SHTN1: variants seen among roughly 807,000 people sequenced by gnomAD.
The protein encoded by SHTN1 is shootin-1.
In SHTN1, 42 loss-of-function variants were observed where a neutral mutation model predicts 83.1. The ratio of observed to expected loss-of-function variants is 0.51; its 90% CI spans 0.39 to 0.65. SHTN1 has a LOEUF of 0.65. Among genes scored for constraint, SHTN1 ranks in the 30% least tolerant of loss-of-function variants. The probability of loss-of-function intolerance (pLI) is 0.00; values close to 1 mark genes in which losing one functional copy is unlikely to be tolerated. For missense variants in SHTN1, 622 were observed against 737.8 expected, an observed-to-expected ratio of 0.84 and a Z score of 1.82; for synonymous variants, 224 against 247.7, an observed-to-expected ratio of 0.90 and a Z score of 0.90.
At chr10:117,122,051 AAAAT>A (rs1368831211) in intron 1 of SHTN1, among the ~76,000 whole-genome samples, 22 of 152,298 alleles carry the variant, frequency 1.4e-4, no homozygotes, top group South Asian at 6.2e-4. Flanking sequence ...AAATAAAATA[AAAAT>A]AAATAAAGAA....
intron 4 of SHTN1, among the ~76,000 whole-genome samples, chr10:116,956,712 A>T (rs1849990258): frequency 6.6e-6 from 1 of 152,060 alleles, no homozygotes; most frequent in African/African-American, 2.4e-5. Context: ...ATCATAGCTA[A>T]CAGTTCTGCC....
intron 2 of SHTN1, among the ~76,000 whole-genome samples, chr10:117,028,813 A>G (rs1298369823): frequency 6.6e-6 from 1 of 152,230 alleles, no homozygotes; most frequent in African/African-American, 2.4e-5. Context: ...GTATCTAAGC[A>G]GAAGCCTGCT....
In SHTN1 at chr10:117,089,459, A is replaced by C. The variant is rs1251028126; in HGVS notation, c.-189+36848T>G. On this transcript the variant is annotated intron_variant, in intron 1 of 17. Transcript: ENST00000392901. ...AAAATTAACTCAAAATGGATCAAAG[A>C]CCTGAACTTGAGACTTAAAACTATA... Among the ~76,000 whole-genome samples the C allele has an allele frequency of 3.3e-5, 5 of 152,302 alleles. No individual in the cohort carries two copies. In the South Asian group the frequency reaches 1.0e-3, roughly 32 times the overall value.
rs142906790 is a variant in SHTN1, at chr10:116,968,618, G to A, written c.172+34C>T. The stretch of plus-strand genomic sequence containing the variant: ...TCACATAATCCCCAATAGGCTATAT[G>A]TGTTATAATAATTCCACTGAAATGC... On this transcript the variant is annotated intron_variant, in intron 3 of 16. Coordinates refer to ENST00000355371, the MANE Select transcript of SHTN1 (RefSeq NM_001127211.3). 1,024 of 1,482,098 alleles carry A rather than the reference G, an allele frequency of 6.9e-4. 15 individuals carry two copies. The Admixed American group carries it at 0.017, about 24-fold the overall frequency. The allele number at this position is 1,482,098 out of a possible 1,614,324, so 91.8% of individuals were successfully genotyped here. A position where few individuals can be genotyped will look rare whatever the true frequency, so the allele number is the denominator to read the frequency against.
chr10:117,005,234 CGAGT>C, upstream of SHTN1: 1 of 1,490,036 alleles, frequency 6.7e-7, no homozygotes. Flanking sequence ...GCGGAGCGCG[CGAGT>C]GAGATCATCC....
At chr10:116,977,575 T>C (rs1441120653) in intron 2 of SHTN1, among the ~76,000 whole-genome samples, 1 of 152,208 alleles carries the variant, frequency 6.6e-6, no homozygotes, top group Non-Finnish European at 1.5e-5. Context: ...TACCTGTTTA[T>C]GTCCTCAGGA....
intron 12 of SHTN1, among the ~76,000 whole-genome samples, chr10:116,920,270 C>A (rs1848511927): frequency 6.6e-6 from 1 of 152,130 alleles, no homozygotes; most frequent in African/African-American, 2.4e-5. Context: ...GCACAGGGGA[C>A]CAAGATCTGG....
intron 1 of SHTN1, among the ~76,000 whole-genome samples, chr10:117,001,478 A>C (rs2133539380): frequency 6.6e-6 from 1 of 152,220 alleles, no homozygotes; most frequent in South Asian, 2.1e-4. Context: ...ACACCACTAA[A>C]GGCTTCACGT....
intron 15 of SHTN1, among the ~76,000 whole-genome samples, chr10:116,903,046 TAAGA>T (rs1391632846): frequency 6.6e-6 from 1 of 152,186 alleles, no homozygotes; most frequent in Non-Finnish European, 1.5e-5. Flanking sequence ...AAAACCTACC[TAAGA>T]GAGACTAAAA....
intron 7 of SHTN1, among the ~76,000 whole-genome samples, chr10:116,946,246 G>T (rs1187689516): frequency 6.7e-6 from 1 of 148,372 alleles, no homozygotes; most frequent in African/African-American, 2.5e-5. Context: ...TATATGTAGA[G>T]AGAGTTTTTT....
chr10:117,108,449 T>C, intron 1 of SHTN1, among the ~76,000 whole-genome samples: 1 of 150,908 alleles, frequency 6.6e-6, no homozygotes, highest in Admixed American at 6.6e-5. Flanking sequence ...CAGCAAACTA[T>C]TGCAAGGACA....
intron 1 of SHTN1, among the ~76,000 whole-genome samples, chr10:117,099,414 A>C (rs559405814): frequency 6.6e-6 from 1 of 152,312 alleles, no homozygotes. Flanking sequence ...ATTCCTTTGA[A>C]TATAAAATCT....
intron 1 of SHTN1, among the ~76,000 whole-genome samples, chr10:117,063,504 C>T (rs2133596980): frequency 6.6e-6 from 1 of 152,260 alleles, no homozygotes; most frequent in East Asian, 1.9e-4. Flanking sequence ...CTCTCAGCCA[C>T]CTAGTACATG....
At chr10:116,983,130 C>G (rs936360736) in intron 1 of SHTN1, among the ~76,000 whole-genome samples, 1 of 152,114 alleles carries the variant, frequency 6.6e-6, no homozygotes, top group African/African-American at 2.4e-5. Flanking sequence ...TAATGACAGC[C>G]GAGCACTTAC....
chr10:117,125,353 T>C (rs960233858), intron 1 of SHTN1, among the ~76,000 whole-genome samples: 1 of 152,186 alleles, frequency 6.6e-6, no homozygotes, highest in Non-Finnish European at 1.5e-5. Context: ...TTGGCATTAA[T>C]GTGTTAACTA....
rs566972470 is a variant in SHTN1 at position 117,072,595 on chromosome 10, T to C, written c.-188-24085A>G. On this transcript the variant is annotated intron_variant, in intron 1 of 17. Coordinates refer to the SHTN1 transcript ENST00000392901. ...GAGCCTGGTAGACTTGCTAGGTGGC[T>C]AGACCCAGAAGAGAGATAACAATCA... 7.4e-4 allele frequency among the ~76,000 whole-genome samples: 113 copies of C among 152,270 alleles called. 2 individuals carry two copies. The South Asian group carries it at 0.022, about 30-fold the overall frequency.
At chr10:117,036,165 G>T (rs185865775) in intron 2 of SHTN1, among the ~76,000 whole-genome samples, 2 of 152,134 alleles carry the variant, frequency 1.3e-5, no homozygotes, top group East Asian at 3.9e-4. Context: ...GAAGAAAAGG[G>T]AACCCTCATA....
At chr10:117,107,425 C>T (rs575696833) in intron 1 of SHTN1, among the ~76,000 whole-genome samples, 13 of 150,214 alleles carry the variant, frequency 8.7e-5, no homozygotes, top group African/African-American at 2.2e-4. Context: ...TACTCCGTTC[C>T]GCAATAGGAC....
At chr10:116,921,161 C>A (rs1848551005) in intron 12 of SHTN1, among the ~76,000 whole-genome samples, 1 of 152,102 alleles carries the variant, frequency 6.6e-6, no homozygotes, top group African/African-American at 2.4e-5. Context: ...TGGAATTACT[C>A]CCTCTCTTTC....
Sources: allele counts gnomAD v4.1 joint callset (sites outside exome capture counted in the v4.1 genomes callset), GRCh38; gene constraint gnomAD v4.1.1; transcripts MANE v1.5; gene names NCBI Gene and HGNC (gene_info 2026-07-23, HGNC 2026-07-21).